Variants in SYNPR observed in about 807,000 individuals in gnomAD.
SYNPR encodes synaptoporin.
A neutral mutation model predicts 32.9 loss-of-function variants in SYNPR; 23 were observed. The observed-to-expected ratio is 0.70, with a 90% CI of 0.50 to 0.99. The LOEUF (loss-of-function observed/expected upper bound fraction) is 0.99, where lower values mean the gene tolerates loss of function less well. Ranked by LOEUF, SYNPR falls within the 50% of genes least tolerant of loss-of-function variation. The pLI is 0.00. For synonymous variants in SYNPR, 146 were observed against 135.9 expected (o/e 1.07, Z -0.52); for missense variants, 318 against 349.3 (o/e 0.91, Z 0.71).
In SYNPR at chr3:63,609,117, T is replaced by C. The variant is rs1205990201; in HGVS notation, c.409-8T>C. On this transcript the variant is annotated splice_polypyrimidine_tract_variant and splice_region_variant and intron_variant, in intron 4 of 5. Coordinates refer to ENST00000478300, the MANE Select transcript of SYNPR (RefSeq NM_001130003.2). The stretch of plus-strand genomic sequence containing the variant: ...TTTACCATTTTCTATTCTGATTTGT[T>C]TCTGTAGGACTTCATTGTCACTGTA... 1 of 1,592,302 alleles carries C rather than the reference T, an allele frequency of 6.3e-7. No individual in the cohort carries two copies. Among genetic ancestry groups the C allele is most frequent in the Non-Finnish European group, 8.5e-7 (1 of 1,170,408 alleles).
chr3:63,257,286 A>G (rs1484451469), intron 2 of SYNPR, among the ~76,000 whole-genome samples: 1 of 152,170 alleles, frequency 6.6e-6, no homozygotes, highest in Non-Finnish European at 1.5e-5. Flanking sequence ...CAAAGTTGAA[A>G]TGAAGGAAAA....
chr3:63,266,613 A>G (rs1224226570), intron 2 of SYNPR, among the ~76,000 whole-genome samples: 2 of 151,034 alleles, frequency 1.3e-5, no homozygotes, highest in Non-Finnish European at 2.9e-5. Flanking sequence ...AAGCTGAGGC[A>G]AGAGAATCAC....
chr3:63,517,094 A>C (rs1365279337), intron 3 of SYNPR, among the ~76,000 whole-genome samples: 1 of 152,094 alleles, frequency 6.6e-6, no homozygotes, highest in East Asian at 1.9e-4. Context: ...CTGAATTCTT[A>C]AGGAGAATTC....
chr3:63,563,969 A>C (rs1297594492), intron 4 of SYNPR, among the ~76,000 whole-genome samples: 1 of 53,614 alleles, frequency 1.9e-5, no homozygotes, highest in Non-Finnish European at 3.4e-5. Flanking sequence ...ATACTCTCAA[A>C]TATGGAAAAA....
intron 2 of SYNPR, among the ~76,000 whole-genome samples, chr3:63,443,683 C>T (rs1700221358): frequency 6.6e-6 from 1 of 152,182 alleles, no homozygotes; most frequent in Admixed American, 6.5e-5. Context: ...CTTACTTTAG[C>T]TGTTTAAGTA....
At chr3:63,554,524 G>A (rs945914018) in intron 3 of SYNPR, among the ~76,000 whole-genome samples, 28 of 152,114 alleles carry the variant, frequency 1.8e-4, no homozygotes, top group East Asian at 1.9e-4. Context: ...GGTTATAAGT[G>A]TATGGTTTTA....
At chr3:63,243,414 G>A (rs941906958) in intron 1 of SYNPR, among the ~76,000 whole-genome samples, 1 of 152,112 alleles carries the variant, frequency 6.6e-6, no homozygotes, top group Non-Finnish European at 1.5e-5. Flanking sequence ...AGTAATTGCT[G>A]TGGACAAGAC....
chr3:63,249,074 T>C (rs2086311814), intron 1 of SYNPR, among the ~76,000 whole-genome samples: 1 of 152,108 alleles, frequency 6.6e-6, no homozygotes, highest in African/African-American at 2.4e-5. Flanking sequence ...TAAATAAATA[T>C]ATGATTTTTA....
intron 2 of SYNPR, among the ~76,000 whole-genome samples, chr3:63,359,273 C>G (rs1237078620): frequency 2.6e-5 from 4 of 152,088 alleles, no homozygotes; most frequent in African/African-American, 9.7e-5. Context: ...ACCAGATTCT[C>G]CAAACAGGAG....
intron 3 of SYNPR, among the ~76,000 whole-genome samples, chr3:63,272,408 G>A (rs546472968): frequency 3.2e-4 from 49 of 152,176 alleles, no homozygotes; most frequent in African/African-American, 1.2e-3. Flanking sequence ...CTGTTTCCTT[G>A]GGATGAAGAC....
At chr3:63,258,612 G>C (rs1022318951) in intron 2 of SYNPR, among the ~76,000 whole-genome samples, 4 of 151,992 alleles carry the variant, frequency 2.6e-5, no homozygotes, top group African/African-American at 7.3e-5. Flanking sequence ...GCCCACAAGA[G>C]AAAGCAGGAA....
intron 2 of SYNPR, among the ~76,000 whole-genome samples, chr3:63,325,651 G>GTTT (rs2087158187): frequency 6.6e-6 from 1 of 151,920 alleles, no homozygotes; most frequent in Admixed American, 6.6e-5. Context: ...CACTCCAAAT[G>GTTT]GAGACTGAGC....
chr3:63,325,351 A>G (rs1482146906), intron 2 of SYNPR, among the ~76,000 whole-genome samples: 1 of 152,152 alleles, frequency 6.6e-6, no homozygotes, highest in Non-Finnish European at 1.5e-5. Flanking sequence ...TAGTTTCTTT[A>G]ATAAAATAAT....
intron 3 of SYNPR, among the ~76,000 whole-genome samples, chr3:63,533,137 C>A (rs543813094): frequency 6.6e-6 from 1 of 152,264 alleles, no homozygotes; most frequent in South Asian, 2.1e-4. Flanking sequence ...AGGAACAAGA[C>A]TCTGTCCTAG....
chr3:63,571,540 T>C (rs1702886681), intron 4 of SYNPR, among the ~76,000 whole-genome samples: 2 of 152,126 alleles, frequency 1.3e-5, no homozygotes. Flanking sequence ...GCCAACCTTT[T>C]AAAGACTCAG....
intron 5 of SYNPR, among the ~76,000 whole-genome samples, 200 bp downstream of exon 5, chr3:63,609,516 T>C (rs1428433783): frequency 6.6e-6 from 1 of 152,202 alleles, no homozygotes; most frequent in Non-Finnish European, 1.5e-5. Flanking sequence ...TTTGTAATGT[T>C]GCCGATTAAG....
chr3:63,481,217 G>A (rs889708653), intron 3 of SYNPR, among the ~76,000 whole-genome samples: 2 of 151,910 alleles, frequency 1.3e-5, no homozygotes, highest in African/African-American at 2.4e-5. Context: ...GAAGGAGGGA[G>A]GGAAAAAGAA....
chr3:63,327,299 T>C (rs968859853), intron 2 of SYNPR, among the ~76,000 whole-genome samples: 2 of 152,174 alleles, frequency 1.3e-5, no homozygotes, highest in African/African-American at 2.4e-5. Flanking sequence ...TGTAAATTGA[T>C]ATAACTTTGG....
intron 4 of SYNPR, among the ~76,000 whole-genome samples, chr3:63,603,898 AT>A (rs1421815856): frequency 5.3e-5 from 8 of 152,066 alleles, no homozygotes; most frequent in African/African-American, 1.9e-4. Flanking sequence ...TTCCTCCTCA[AT>A]TTTTTGAAAT....
Sources: gnomAD v4.1 joint callset for allele counts (sites outside exome capture counted in the v4.1 genomes callset) on GRCh38, gnomAD v4.1.1 for gene constraint, MANE v1.5 for transcripts, NCBI Gene and HGNC (gene_info 2026-07-23, HGNC 2026-07-21) for gene names.